MLLT1: variants seen among roughly 807,000 people sequenced by gnomAD.
MLLT1 encodes MLLT1 super elongation complex subunit, also known as protein ENL.
MLLT1 carries 11 observed loss-of-function variants against 55.1 expected under a neutral mutation model. The ratio of observed to expected loss-of-function variants is 0.20; its 90% CI spans 0.13 to 0.33. The LOEUF is 0.33. MLLT1 is among the 10% of genes least tolerant of loss of function. MLLT1 has a pLI of 1.00. For missense variants in MLLT1, 536 were observed against 760.6 expected, an observed-to-expected ratio of 0.70 and a Z score of 3.47; for synonymous variants, 323 against 320.1, an observed-to-expected ratio of 1.01 and a Z score of -0.10.
In MLLT1 at chr19:6,270,430, C is replaced by T; in HGVS notation, c.193+149G>A. On this transcript the variant is annotated intron_variant, in intron 2 of 11. Coordinates refer to ENST00000252674, the MANE Select transcript of MLLT1 (RefSeq NM_005934.4). This position sits in a 1 kb window ranked among gnomAD's most constrained non-coding sequence, Gnocchi z 7.1. The stretch of plus-strand genomic sequence containing the variant: ...AACTCAACAGCTGGAGGTGACACGG[C>T]TCCAGTGCCCCCACGCCGAGGGACG... The T allele has an allele frequency of 2.6e-6, 2 of 764,502 alleles. No homozygotes were observed. 47.4% of individuals were successfully genotyped at this position (764,502 alleles called of 1,614,324 possible). A position where few individuals can be genotyped will look rare whatever the true frequency, so the allele number is the denominator to read the frequency against.
chr19:6,259,807 A>AAAAAAAAC (rs1168472647), intron 3 of MLLT1: 1 of 151,292 alleles, frequency 6.6e-6, no homozygotes, highest in East Asian at 1.9e-4. Flanking sequence ...CTTAAAAAAA[A>AAAAAAAAC]AAAAAAAAAA....
At chr19:6,239,671 T>C (rs2091097294) in intron 3 of MLLT1, among the ~76,000 whole-genome samples, 1 of 151,762 alleles carries the variant, frequency 6.6e-6, no homozygotes, top group African/African-American at 2.4e-5. Flanking sequence ...ATCCCTCACC[T>C]ACCTGTGTAC....
intron 3 of MLLT1, among the ~76,000 whole-genome samples, chr19:6,257,582 C>T (rs1302013487): frequency 6.6e-6 from 1 of 152,202 alleles, no homozygotes; most frequent in African/African-American, 2.4e-5. Flanking sequence ...AGATGGATCA[C>T]TTGAGATTGG....
At position 6,212,304 on chromosome 19, in the gene MLLT1, G is replaced by A. The variant is rs1326567000; in HGVS notation, c.*738C>T. On this transcript the variant is annotated 3_prime_UTR_variant, in exon 12 of 12. Transcript: ENST00000252674. Reference sequence around the variant, plus strand: ...GGCGGCATCCTTGGAACGGCAAAGGGAGAATTCCTCCATGCGCCTGGAGAG... The same window carrying A: ...GGCGGCATCCTTGGAACGGCAAAGGAAGAATTCCTCCATGCGCCTGGAGAG... 1.9e-6 allele frequency: 2 copies of A among 1,065,954 alleles called. No individual in the cohort carries two copies. The highest frequency in any genetic ancestry group is 3.3e-5 in the African/African-American group (2 of 61,120). 66.0% of individuals were successfully genotyped at this position (1,065,954 alleles called of 1,614,324 possible).
chr19:6,271,416 G>A (rs1242995739), intron 1 of MLLT1, among the ~76,000 whole-genome samples: 1 of 152,144 alleles, frequency 6.6e-6, no homozygotes, highest in African/African-American at 2.4e-5. Flanking sequence ...AGGTTCCCAA[G>A]AAGAAGGCAG....
chr19:6,254,532 G>A (rs2091243151), intron 3 of MLLT1, among the ~76,000 whole-genome samples: 1 of 152,190 alleles, frequency 6.6e-6, no homozygotes, highest in Admixed American at 6.5e-5. Flanking sequence ...CTCTTAACCT[G>A]GGAGCTTGCG....
Position 6,273,484 on chromosome 19 carries a change from C to A in MLLT1, c.13-2725G>T, listed in dbSNP as rs1287959250. ...GGTAAAAGTACCCCCACCAAACACA[C>A]GAGGTGAGGGCTGAGCACCGGCATG... On this transcript the variant is annotated intron_variant, in intron 1 of 11. Transcript: ENST00000252674. The surrounding 1 kb of genome is among the most constrained non-coding windows in gnomAD (Gnocchi z 4.3). Among the ~76,000 whole-genome samples, 2 of 152,194 alleles carry A rather than the reference C, an allele frequency of 1.3e-5. No individual in the cohort carries two copies. Among genetic ancestry groups the A allele is most frequent in the African/African-American group, 2.4e-5 (1 of 41,440 alleles).
chr19:6,243,455 G>T (rs1159628298), intron 3 of MLLT1, among the ~76,000 whole-genome samples: 1 of 152,210 alleles, frequency 6.6e-6, no homozygotes, highest in African/African-American at 2.4e-5. Context: ...TAATGTCACT[G>T]ACCTACTCCA....
chr19:6,275,720 C>T (rs1377282145), intron 1 of MLLT1, among the ~76,000 whole-genome samples: 1 of 152,196 alleles, frequency 6.6e-6, no homozygotes, highest in African/African-American at 2.4e-5. Context: ...ACCCAAGGCA[C>T]AATGACAAAG....
chr19:6,259,215 A>G (rs1310619366), intron 3 of MLLT1: 1 of 152,138 alleles, frequency 6.6e-6, no homozygotes, highest in African/African-American at 2.4e-5. Context: ...TATTCCACTT[A>G]CCTGACCTCC....
At chr19:6,267,262 C>T (rs1453769097) in intron 2 of MLLT1, among the ~76,000 whole-genome samples, 7 of 151,994 alleles carry the variant, frequency 4.6e-5, no homozygotes, top group East Asian at 3.9e-4. Flanking sequence ...CCACCACAGC[C>T]GGCTAATTTT....
chr19:6,261,271 G>A (rs540490248), intron 3 of MLLT1, among the ~76,000 whole-genome samples: 10 of 152,212 alleles, frequency 6.6e-5, no homozygotes, highest in South Asian at 2.1e-4. Flanking sequence ...GACCCCGCGC[G>A]AGGCCTTGCA....
At position 6,219,185 on chromosome 19, in the gene MLLT1, C is replaced by G. The variant is rs1203960476; in HGVS notation, c.1111-1144G>C. Among the ~76,000 whole-genome samples the G allele has an allele frequency of 6.6e-6, 1 of 152,174 alleles. No homozygotes were observed. Among genetic ancestry groups the G allele is most frequent in the Non-Finnish European group, 1.5e-5 (1 of 68,016 alleles). On this transcript the variant is annotated intron_variant, in intron 6 of 11. Transcript: ENST00000252674. The surrounding 1 kb of genome is among the most constrained non-coding windows in gnomAD (Gnocchi z 4.5). ...GGCCTCCCCAAGCAGCAGGTCCAGA[C>G]TCACCCGTGCCTGAGAGGGAAGAGG... is the stretch of plus-strand genomic sequence containing the variant.
In MLLT1 at chr19:6,243,484, G is replaced by A. The variant is rs533788142; in HGVS notation, c.277-12771C>T. ...TACTCCAGAACATCATGGGACAGGC[G>A]TGGGACAGGCACCTGGCTGGGGCTT... On this transcript the variant is annotated intron_variant, in intron 3 of 11. Transcript: ENST00000252674. Among the ~76,000 whole-genome samples the A allele has an allele frequency of 8.5e-5, 13 of 152,318 alleles. No individual in the cohort carries two copies. The East Asian group carries it at 2.1e-3, about 25-fold the overall frequency.
chr19:6,237,376 T>G (rs1318876612), intron 3 of MLLT1, among the ~76,000 whole-genome samples: 1 of 152,156 alleles, frequency 6.6e-6, no homozygotes, highest in Non-Finnish European at 1.5e-5. Flanking sequence ...GGCTGTCTCC[T>G]GGCCATCTCT....
At position 6,216,467 on chromosome 19, in the gene MLLT1, G is replaced by A. The variant is rs544159021; in HGVS notation, c.1245C>T (p.Asp415=). The A allele has an allele frequency of 3.1e-5, 50 of 1,608,540 alleles. No homozygotes were observed. Among genetic ancestry groups the A allele is most frequent in the South Asian group, 1.8e-4 (16 of 90,138 alleles). The change falls in exon 8 of 12, where the codon GAC becomes GAT. Residue 415 remains aspartate (D), a synonymous_variant. Transcript: ENST00000252674. ...MVEDLQSEES[D]EDDSSSGEEA... is the part of the protein sequence containing the mutation. ...CCTCGCCTGACGAAGAGTCGTCCTC[G>A]TCGGACTCCTCGGACTGCAGGTCCT...
At chr19:6,215,794 C>T (rs535873154) in intron 8 of MLLT1, among the ~76,000 whole-genome samples, 15 of 152,278 alleles carry the variant, frequency 9.9e-5, no homozygotes, top group African/African-American at 3.6e-4. Flanking sequence ...CCTGTGTGCC[C>T]GGGGCCAAGG....
Position 6,273,350 on chromosome 19 carries a change from A to G in MLLT1, c.13-2591T>C, listed in dbSNP as rs1342397106. On this transcript the variant is annotated intron_variant, in intron 1 of 11. Coordinates refer to ENST00000252674, the MANE Select transcript of MLLT1 (RefSeq NM_005934.4). The surrounding 1 kb of genome is among the most constrained non-coding windows in gnomAD (Gnocchi z 4.3). ...TGGAGGACATTCAGGTAACCCCAAG[A>G]TCCGGGCAGCAGGGACATTCACGAC... 6.6e-6 allele frequency among the ~76,000 whole-genome samples: 1 copy of G among 152,116 alleles called. No individual in the cohort carries two copies. Among genetic ancestry groups the G allele is most frequent in the Non-Finnish European group, 1.5e-5 (1 of 68,020 alleles).
chr19:6,225,379 T>C (rs1468114237), intron 5 of MLLT1, among the ~76,000 whole-genome samples: 1 of 152,136 alleles, frequency 6.6e-6, no homozygotes. Flanking sequence ...TTGGAGCACA[T>C]GGCCCGGCCA....
Sources: gnomAD v4.1 joint callset for allele counts (sites outside exome capture counted in the v4.1 genomes callset) on GRCh38, gnomAD v4.1.1 for gene constraint, Gnocchi (gnomAD v3.1) non-coding constraint, MANE v1.5 for transcripts, NCBI Gene and HGNC (gene_info 2026-07-23, HGNC 2026-07-21) for gene names.